Variants in CCDC33 observed in about 807,000 individuals in gnomAD.
CCDC33 encodes the protein coiled-coil domain containing 33.
Under a neutral mutation model 91.9 loss-of-function variants are expected in CCDC33, and 94 were observed. That is an observed-to-expected ratio of 1.02 (90% CI 0.87 to 1.21). CCDC33 has a LOEUF of 1.21. Ranked by LOEUF, CCDC33 falls within the 50% of genes most tolerant of loss-of-function variation. CCDC33 has a pLI of 0.00. For synonymous variants in CCDC33, 396 were observed against 374.5 expected (o/e 1.06, Z -0.66); for missense variants, 940 against 935.5 (o/e 1.00, Z -0.06).
chr15:74,282,550 G>T (rs1341704897), intron 10 of CCDC33, among the ~76,000 whole-genome samples: 2 of 152,194 alleles, frequency 1.3e-5, no homozygotes. Flanking sequence ...ATTTTAGAGG[G>T]GCTGGTGTGA....
chr15:74,208,075 T>A, intron 1 of CCDC33: 2 of 1,236,780 alleles, frequency 1.6e-6, no homozygotes, highest in Non-Finnish European at 2.0e-6. Flanking sequence ...GACCAGGCTG[T>A]TCTGGTATGA....
intron 1 of CCDC33, among the ~76,000 whole-genome samples, chr15:74,241,941 G>A (rs1181593911): frequency 6.6e-6 from 1 of 152,230 alleles, no homozygotes; most frequent in African/African-American, 2.4e-5. Flanking sequence ...ACAGCAGGAG[G>A]AGGGGTTTGA....
chr15:74,212,494 G>T (rs1391358873), upstream of CCDC33: 2 of 152,358 alleles, frequency 1.3e-5, no homozygotes, highest in East Asian at 3.9e-4. Context: ...CTTGGTGCTG[G>T]AGCCCGGAGC....
Position 74,244,618 on chromosome 15 carries a change from TC to T in CCDC33, c.185+474del, listed in dbSNP as rs1193002570. On this transcript the variant is annotated intron_variant, in intron 2 of 18. Transcript: ENST00000398814. The surrounding 1 kb of genome is among the most constrained non-coding windows in gnomAD (Gnocchi z 4.2). ...CTCCAGTCACTTCTATTATGGGGAC[TC>T]CCCTAGTTCTGGGCCTTTAATGCAC... Among the ~76,000 whole-genome samples the T allele has an allele frequency of 6.6e-6, 1 of 151,260 alleles. No individual in the cohort carries two copies. The highest frequency in any genetic ancestry group is 2.4e-5 in the African/African-American group (1 of 41,056).
intron 10 of CCDC33, among the ~76,000 whole-genome samples, chr15:74,292,461 G>A (rs932053537): frequency 2.6e-5 from 4 of 152,214 alleles, no homozygotes; most frequent in Non-Finnish European, 5.9e-5. Context: ...TAAAGAAGGA[G>A]AACTATTAGG....
rs954100271 is a variant in CCDC33, at chr15:74,247,553, G to T, written c.185+3405G>T. 7.2e-5 allele frequency among the ~76,000 whole-genome samples: 11 copies of T among 152,138 alleles called. No individual in the cohort carries two copies. The South Asian group carries it at 2.3e-3, about 31-fold the overall frequency. ...CTGCCATTTGCGATAATGCAGATGA[G>T]CCTGGAGGACGTTATGCTAGATGAA... is the stretch of plus-strand genomic sequence containing the variant. On this transcript the variant is annotated intron_variant, in intron 2 of 18. Coordinates refer to ENST00000398814, the MANE Select transcript of CCDC33 (RefSeq NM_025055.5).
intron 10 of CCDC33, among the ~76,000 whole-genome samples, chr15:74,292,911 C>T (rs1248710767): frequency 6.6e-6 from 1 of 152,170 alleles, no homozygotes; most frequent in African/African-American, 2.4e-5. Context: ...GGGGTAAAGG[C>T]ACTGGTCTGG....
chr15:74,252,326 G>T (rs1394478522), intron 2 of CCDC33, among the ~76,000 whole-genome samples: 2 of 152,180 alleles, frequency 1.3e-5, no homozygotes, highest in African/African-American at 4.8e-5. Context: ...GATCTGGGCA[G>T]AGTGGGTGGA....
rs116724329 is a variant in CCDC33 at position 74,320,792 on chromosome 15, G to A, written c.1291-9397G>A. Among the ~76,000 whole-genome samples the A allele has an allele frequency of 6.5e-3, 982 of 152,230 alleles. 9 individuals are homozygous for A. The highest frequency in any genetic ancestry group is 0.023 in the African/African-American group (947 of 41,536). ...CACTGGGCTATGCCCTTGCCGCTTC[G>A]ATATCCCACCCAGCCAATGAGGCTC... is the stretch of plus-strand genomic sequence containing the variant. On this transcript the variant is annotated intron_variant, in intron 11 of 18. Coordinates refer to ENST00000398814, the MANE Select transcript of CCDC33 (RefSeq NM_025055.5).
rs1039949344 is a variant in CCDC33, at chr15:74,217,266, G to C, written c.-6G>C. ...GCTCAGCCTGGCAGTTGGTCTCTCA[G>C]TGGCCATGGCATTCAGGGGGCCTGA... On this transcript the variant is annotated 5_prime_UTR_variant, in exon 1 of 3. Coordinates refer to the CCDC33 transcript ENST00000635913. 7.9e-6 allele frequency: 10 copies of C among 1,260,522 alleles called. 1 individual carries two copies. The South Asian group carries it at 1.3e-4, about 17-fold the overall frequency. The allele number at this position is 1,260,522 out of a possible 1,614,324, so 78.1% of individuals were successfully genotyped here.
At chr15:74,273,054 G>A (rs1011348234) in intron 7 of CCDC33, among the ~76,000 whole-genome samples, 163 bp downstream of exon 7, 5 of 152,266 alleles carry the variant, frequency 3.3e-5, no homozygotes, top group African/African-American at 1.2e-4. Context: ...CAGAGAAACT[G>A]CCCTCCAGGA....
At chr15:74,236,962 C>A (rs562441992) in intron 1 of CCDC33, among the ~76,000 whole-genome samples, 1 of 152,212 alleles carries the variant, frequency 6.6e-6, no homozygotes, top group Non-Finnish European at 1.5e-5. Flanking sequence ...AGTGTACTTG[C>A]AGGTGTTGTC....
At position 74,295,673 on chromosome 15, in the gene CCDC33, G is replaced by A. The variant is rs145943968; in HGVS notation, c.1096-81G>A. 3.1e-5 allele frequency: 38 copies of A among 1,219,868 alleles called. No homozygotes were observed. The African/African-American group carries it at 5.5e-4, about 18-fold the overall frequency. 75.6% of individuals were successfully genotyped at this position (1,219,868 alleles called of 1,614,324 possible). On this transcript the variant is annotated intron_variant, in intron 10 of 18. Transcript: ENST00000398814. ...CCTGAGCCATGAGGAGGAGAGGCTT[G>A]GGGTGTAGATGGTGTGCTTATGGTA... is the stretch of plus-strand genomic sequence containing the variant.
chr15:74,325,412 C>T (rs2060290279), intron 11 of CCDC33, among the ~76,000 whole-genome samples: 2 of 152,016 alleles, frequency 1.3e-5, no homozygotes, highest in Non-Finnish European at 2.9e-5. Flanking sequence ...GCTCACCCTC[C>T]TAGAGTGAGC....
intron 15 of CCDC33, among the ~76,000 whole-genome samples, chr15:74,331,583 C>A (rs1363881075): frequency 6.6e-6 from 1 of 152,204 alleles, no homozygotes; most frequent in Admixed American, 6.5e-5. Context: ...GAGGGCCCTG[C>A]AGACTAGCAC....
At chr15:74,321,019 C>G (rs1480818180) in intron 11 of CCDC33, among the ~76,000 whole-genome samples, 1 of 151,980 alleles carries the variant, frequency 6.6e-6, no homozygotes, top group Non-Finnish European at 1.5e-5. Flanking sequence ...AGTAAGGGGA[C>G]TTCTTAGCCA....
At chr15:74,249,841 A>G (rs1401632733) in intron 2 of CCDC33, among the ~76,000 whole-genome samples, 1 of 152,064 alleles carries the variant, frequency 6.6e-6, no homozygotes. Context: ...GAATTTGTTT[A>G]TTACACAGAG....
chr15:74,291,470 G>A (rs1032149172), intron 10 of CCDC33, among the ~76,000 whole-genome samples: 5 of 152,258 alleles, frequency 3.3e-5, no homozygotes, highest in Admixed American at 1.3e-4. Flanking sequence ...GGATACAGGC[G>A]GGCAGAGCCC....
intron 11 of CCDC33, chr15:74,299,523 C>T (rs2059751584): frequency 6.6e-6 from 1 of 152,268 alleles, no homozygotes; most frequent in African/African-American, 2.4e-5. Context: ...TAGACTGATC[C>T]TCTCATTTTA....
Sources: gnomAD v4.1 joint callset for allele counts (sites outside exome capture counted in the v4.1 genomes callset) on GRCh38, gnomAD v4.1.1 for gene constraint, Gnocchi (gnomAD v3.1) non-coding constraint, MANE v1.5 for transcripts, NCBI Gene and HGNC (gene_info 2026-07-23, HGNC 2026-07-21) for gene names.